The following MRTFA variants were observed in gnomAD, a reference collection of about 807,000 sequenced individuals.
The protein encoded by MRTFA is myocardin-related transcription factor A.
In MRTFA, 20 loss-of-function variants were observed where a neutral mutation model predicts 83.5. That is an observed-to-expected ratio of 0.24 (90% CI 0.17 to 0.35). The LOEUF (loss-of-function observed/expected upper bound fraction) is 0.35, where lower values mean the gene tolerates loss of function less well. MRTFA is among the 10% of genes least tolerant of loss of function. The pLI is 1.00. For missense variants in MRTFA, 1,200 were observed against 1,224.7 expected, an observed-to-expected ratio of 0.98 and a Z score of 0.30; for synonymous variants, 659 against 541.2, an observed-to-expected ratio of 1.22 and a Z score of -3.02.
rs972997121 is a variant in MRTFA at position 40,480,356 on chromosome 22, C to T, written c.242-17070G>A. Among the ~76,000 whole-genome samples the T allele has an allele frequency of 6.6e-5, 10 of 151,828 alleles. 1 individual carries two copies. Among genetic ancestry groups the T allele is most frequent in the African/African-American group, 2.4e-4 (10 of 41,248 alleles). ...CTTGAATTCCTGGCCTCCAGTTATC[C>T]TCCTACCTTGGCCTCCCAAATTCCT... On this transcript the variant is annotated intron_variant, in intron 3 of 14. Coordinates refer to ENST00000355630, the MANE Select transcript of MRTFA (RefSeq NM_020831.6).
At position 40,463,585 on chromosome 22, in the gene MRTFA, A is replaced by C. The variant is rs6001921; in HGVS notation, c.242-299T>G. ...CAAAACACTGAGTCCTCCTCCTAAAACTTTTTTAAAAACACCTCTTCCAAA... is the reference window on the plus strand; with the variant it reads ...CAAAACACTGAGTCCTCCTCCTAAACCTTTTTTAAAAACACCTCTTCCAAA... On this transcript the variant is annotated intron_variant, in intron 3 of 14. Coordinates refer to ENST00000355630, the MANE Select transcript of MRTFA (RefSeq NM_020831.6). Among the ~76,000 whole-genome samples the C allele has an allele frequency of 7.8e-3, 1,192 of 152,078 alleles. 24 individuals are homozygous for C. Among genetic ancestry groups the C allele is most frequent in the Middle Eastern group, 0.075 (22 of 294 alleles).
chr22:40,516,422 G>GA (rs56745896), intron 3 of MRTFA, among the ~76,000 whole-genome samples: 1,909 of 46,914 alleles, frequency 0.041, 23 homozygotes, highest in Non-Finnish European at 0.06. Flanking sequence ...ACTGCCTCAA[G>GA]AAAAAAAAAA....
At chr22:40,415,684 G>A (rs533447835) in intron 14 of MRTFA, among the ~76,000 whole-genome samples, 18 of 152,068 alleles carry the variant, frequency 1.2e-4, no homozygotes, top group Middle Eastern at 3.4e-3. Context: ...ACACAGACGC[G>A]CGCTATTTCC....
chr22:40,483,735 G>T (rs954535056), intron 3 of MRTFA, among the ~76,000 whole-genome samples: 5 of 151,700 alleles, frequency 3.3e-5, no homozygotes, highest in African/African-American at 1.2e-4. Context: ...TCATTCTGTC[G>T]CCAGGATGGA....
At chr22:40,553,052 A>AG (rs1359424622) in intron 2 of MRTFA, among the ~76,000 whole-genome samples, 1 of 152,234 alleles carries the variant, frequency 6.6e-6, no homozygotes, top group African/African-American at 2.4e-5. Context: ...GCCATGCTTT[A>AG]GCAAAGAGAC....
chr22:40,492,609 C>T (rs2054289038), intron 3 of MRTFA, among the ~76,000 whole-genome samples: 1 of 152,188 alleles, frequency 6.6e-6, no homozygotes, highest in Non-Finnish European at 1.5e-5. Context: ...TCCCTCTTCT[C>T]TCTCTTGCCC....
rs781098796 is a variant in MRTFA at position 40,411,452 on chromosome 22, G to C, written c.3034C>G (p.Leu1012Val). ...CCATCGAGGAAGTCTGTGGAGAAGA[G>C]GCTGGGGGCTGTGGTGCTGAGGGGG... The change falls in exon 15 of 15, where the codon CTC (leucine) becomes GTC (valine). Residue 1012 changes from leucine (L) to valine (V), a missense_variant. Physicochemically the swap from Leu to Val is conservative, Grantham distance 32 (BLOSUM62 1). This residue lies in a region of MRTFA where 1,107 missense variants were observed against 1,041.8 expected (regional missense o/e 1.06). Coordinates refer to ENST00000355630, the MANE Select transcript of MRTFA (RefSeq NM_020831.6). 10 of 1,597,882 alleles carry C rather than the reference G, an allele frequency of 6.3e-6. No individual in the cohort carries two copies. In the Admixed American group the frequency reaches 1.3e-4, roughly 21 times the overall value.
At chr22:40,550,521 G>A (rs1345695018) in intron 3 of MRTFA, among the ~76,000 whole-genome samples, 1 of 152,110 alleles carries the variant, frequency 6.6e-6, no homozygotes, top group East Asian at 1.9e-4. Context: ...GGAAAAAGTA[G>A]AACTATTCAC....
At chr22:40,538,577 TAAAAA>T (rs61145348) in intron 3 of MRTFA, among the ~76,000 whole-genome samples, 1 of 150,358 alleles carries the variant, frequency 6.7e-6, no homozygotes, top group Admixed American at 6.6e-5. Flanking sequence ...AAAAATAAAT[TAAAAA>T]AAAAATTAAA....
At chr22:40,574,387 AC>A (rs756983438) in intron 2 of MRTFA, among the ~76,000 whole-genome samples, 18 of 152,056 alleles carry the variant, frequency 1.2e-4, no homozygotes, top group Non-Finnish European at 2.1e-4. Flanking sequence ...TATTCCCCAA[AC>A]AATACAGTAT....
chr22:40,524,824 T>G (rs1385963541), intron 3 of MRTFA, among the ~76,000 whole-genome samples: 1 of 152,262 alleles, frequency 6.6e-6, no homozygotes, highest in Non-Finnish European at 1.5e-5. Context: ...TGTATGTTTT[T>G]GAGACAGAGT....
chr22:40,572,293 T>A (rs2055807549), intron 2 of MRTFA, among the ~76,000 whole-genome samples: 1 of 152,198 alleles, frequency 6.6e-6, no homozygotes, highest in South Asian at 2.1e-4. Flanking sequence ...TGGTTGTATA[T>A]GTGAATATAC....
Position 40,417,491 on chromosome 22 carries a change from G to A in MRTFA, c.2367C>T (p.Pro789=), listed in dbSNP as rs1181510335. The A allele has an allele frequency of 6.4e-7, 1 of 1,569,816 alleles. No homozygotes were observed. The highest frequency in any genetic ancestry group is 2.3e-4 in the Middle Eastern group (1 of 4,354). The change falls in exon 13 of 15, where the codon CCC becomes CCT. Residue 789 remains proline, a splice_region_variant and synonymous_variant. Coordinates refer to ENST00000355630, the MANE Select transcript of MRTFA (RefSeq NM_020831.6). ...GCGCTGGAGAGCCAGGCTGGGACGAGGGCTGGACAGGAGAGCAGGGAGAGG... is the reference window on the plus strand; with the variant it reads ...GCGCTGGAGAGCCAGGCTGGGACGAAGGCTGGACAGGAGAGCAGGGAGAGG...
intron 1 of MRTFA, among the ~76,000 whole-genome samples, chr22:40,626,297 G>A (rs1361182963): frequency 2.0e-5 from 3 of 148,818 alleles, no homozygotes; most frequent in African/African-American, 7.4e-5. Context: ...AGATTTACTC[G>A]TTTTTTTTGA....
At chr22:40,504,710 CAGAATCCTCAACTTAGAATGA>C (rs2054553088) in intron 3 of MRTFA, among the ~76,000 whole-genome samples, 1 of 152,170 alleles carries the variant, frequency 6.6e-6, no homozygotes, top group Non-Finnish European at 1.5e-5. Flanking sequence ...AGGATTTGAT[CAGAATCCTCAACTTAGAATGA>C]ACCTCAAGAT....
chr22:40,634,426 T>G (rs571197805), intron 1 of MRTFA, among the ~76,000 whole-genome samples: 1 of 152,326 alleles, frequency 6.6e-6, no homozygotes, highest in Non-Finnish European at 1.5e-5. Flanking sequence ...TTATTTCTCT[T>G]TGGAATTTCC....
chr22:40,510,861 C>T (rs151236107), intron 3 of MRTFA, among the ~76,000 whole-genome samples: 5 of 152,002 alleles, frequency 3.3e-5, no homozygotes, highest in East Asian at 1.9e-4. Flanking sequence ...GAAAGACTAA[C>T]GGTTATATGC....
chr22:40,533,647 C>T, intron 3 of MRTFA: 1 of 1,227,836 alleles, frequency 8.1e-7, no homozygotes, highest in Non-Finnish European at 1.0e-6. Flanking sequence ...ACGGATTCTT[C>T]CAGAAACAAA....
At chr22:40,509,440 T>C (rs2054631781) in intron 3 of MRTFA, among the ~76,000 whole-genome samples, 1 of 152,228 alleles carries the variant, frequency 6.6e-6, no homozygotes, top group South Asian at 2.1e-4. Context: ...CCAGGATTGA[T>C]AAAAAGCCAA....
Sources: gnomAD v4.1 joint callset for allele counts (sites outside exome capture counted in the v4.1 genomes callset) on GRCh38, gnomAD v4.1.1 for gene constraint, gnomAD v4.1.1 regional missense constraint, MANE v1.5 for transcripts, NCBI Gene and HGNC (gene_info 2026-07-23, HGNC 2026-07-21) for gene names.